Variants in NCKAP5 observed in about 807,000 individuals in gnomAD.
NCKAP5 encodes the protein NCK associated protein 5.
In NCKAP5, 92 loss-of-function variants were observed where a neutral mutation model predicts 167.0. The observed-to-expected ratio is 0.55, with a 90% CI of 0.47 to 0.66. The LOEUF (loss-of-function observed/expected upper bound fraction) is 0.66, where lower values mean the gene tolerates loss of function less well. Among genes scored for constraint, NCKAP5 ranks in the 30% least tolerant of loss-of-function variants. The pLI, the probability that NCKAP5 is intolerant of heterozygous loss-of-function variation, is 0.00. For synonymous variants in NCKAP5, 891 were observed against 877.4 expected (o/e 1.02, Z -0.27); for missense variants, 2,378 against 2,315.0 (o/e 1.03, Z -0.56).
chr2:133,377,607 G>A (rs939135938), intron 3 of NCKAP5, among the ~76,000 whole-genome samples: 1 of 152,144 alleles, frequency 6.6e-6, no homozygotes, highest in Non-Finnish European at 1.5e-5. Context: ...AGAAAAATGG[G>A]TTTAAGTAGC....
chr2:132,677,308 T>G (rs1173139429), intron 19 of NCKAP5, among the ~76,000 whole-genome samples: 1 of 152,194 alleles, frequency 6.6e-6, no homozygotes, highest in Non-Finnish European at 1.5e-5. Context: ...TGCATGTTCT[T>G]AAAATATTTT....
At chr2:133,671,475 A>G in the NCKAP5 span, among the ~76,000 whole-genome samples, 4 of 152,084 alleles carry the variant, frequency 2.6e-5, no homozygotes, top group African/African-American at 9.7e-5. Context: ...TAGTGGGTTA[A>G]TTGGTTAATG....
intron 6 of NCKAP5, among the ~76,000 whole-genome samples, chr2:133,032,684 G>T (rs1233857729): frequency 6.6e-6 from 1 of 152,166 alleles, no homozygotes; most frequent in Admixed American, 6.5e-5. Context: ...CTGGCTTCAG[G>T]TCTATATGAG....
At chr2:133,346,522 AT>A (rs1487678524) in intron 3 of NCKAP5, among the ~76,000 whole-genome samples, 1 of 152,200 alleles carries the variant, frequency 6.6e-6, no homozygotes, top group Admixed American at 6.5e-5. Context: ...GTTAGAAAAG[AT>A]GTGATTAGTC....
chr2:132,770,827 T>A (rs1681979090), intron 16 of NCKAP5, among the ~76,000 whole-genome samples: 3 of 152,166 alleles, frequency 2.0e-5, no homozygotes. Context: ...TCCCTTAAGA[T>A]TATAATGAAG....
chr2:133,450,988 C>T (rs528080997), intron 3 of NCKAP5, among the ~76,000 whole-genome samples: 1 of 151,986 alleles, frequency 6.6e-6, no homozygotes, highest in Non-Finnish European at 1.5e-5. Context: ...GGGTTAGAGC[C>T]CCCAAACCCC....
intron 6 of NCKAP5, among the ~76,000 whole-genome samples, chr2:133,005,584 G>C (rs2077937270): frequency 6.6e-6 from 1 of 152,076 alleles, no homozygotes; most frequent in South Asian, 2.1e-4. Flanking sequence ...TTATTTTCTT[G>C]AGTAATCTGA....
At chr2:132,675,690 T>C (rs1684344997) in intron 19 of NCKAP5, among the ~76,000 whole-genome samples, 1 of 152,146 alleles carries the variant, frequency 6.6e-6, no homozygotes, top group Non-Finnish European at 1.5e-5. Context: ...TGTGAAATGG[T>C]GGAATTTGGG....
chr2:133,241,174 A>T (rs2087687592), intron 4 of NCKAP5, among the ~76,000 whole-genome samples: 1 of 152,202 alleles, frequency 6.6e-6, no homozygotes, highest in Non-Finnish European at 1.5e-5. Flanking sequence ...GTGCTTATAA[A>T]CAACTATTGA....
chr2:133,572,854 T>C (rs2105074033), upstream of NCKAP5, among the ~76,000 whole-genome samples: 1 of 152,326 alleles, frequency 6.6e-6, no homozygotes, highest in Non-Finnish European at 1.5e-5. Context: ...GTGGCCCATG[T>C]CATTCTCACA....
chr2:132,940,011 T>TAC (rs1184700877), intron 8 of NCKAP5, among the ~76,000 whole-genome samples: 18 of 152,044 alleles, frequency 1.2e-4, no homozygotes, highest in African/African-American at 4.3e-4. Context: ...TATGTATATA[T>TAC]ACATAGTAGT....
At chr2:133,485,805 G>A (rs1028502954) in intron 3 of NCKAP5, among the ~76,000 whole-genome samples, 1 of 152,166 alleles carries the variant, frequency 6.6e-6, no homozygotes, top group African/African-American at 2.4e-5. Context: ...TGTCAGTCCA[G>A]TATTAATCAA....
intron 3 of NCKAP5, among the ~76,000 whole-genome samples, chr2:133,325,843 C>T (rs1402937716): frequency 2.0e-5 from 3 of 152,186 alleles, no homozygotes; most frequent in African/African-American, 7.2e-5. Flanking sequence ...CATTTGAGTA[C>T]TCACTGACAC....
chr2:133,015,354 G>A (rs1046664225), intron 6 of NCKAP5, among the ~76,000 whole-genome samples: 6 of 71,954 alleles, frequency 8.3e-5, no homozygotes, highest in Non-Finnish European at 1.3e-4. Context: ...TAAAAGAACC[G>A]AACTCTTTTT....
At chr2:133,188,404 G>A (rs1385236126) in intron 5 of NCKAP5, among the ~76,000 whole-genome samples, 1 of 151,902 alleles carries the variant, frequency 6.6e-6, no homozygotes, top group Admixed American at 6.6e-5. Context: ...GGATATCCAG[G>A]AACTGAACCC....
At chr2:133,069,613 G>GT (rs1355558259) in intron 6 of NCKAP5, among the ~76,000 whole-genome samples, 1 of 152,100 alleles carries the variant, frequency 6.6e-6, no homozygotes, top group Non-Finnish European at 1.5e-5. Context: ...TCCTATCATT[G>GT]TATCAAATAA....
intron 3 of NCKAP5, among the ~76,000 whole-genome samples, chr2:133,487,715 C>T (rs1328404307): frequency 1.3e-5 from 2 of 152,172 alleles, no homozygotes; most frequent in Non-Finnish European, 2.9e-5. Context: ...TTCATGGCCA[C>T]TTCCTTCCCC....
chr2:133,163,151 ACTACCT>A (rs1200707552), intron 5 of NCKAP5, among the ~76,000 whole-genome samples: 2 of 152,232 alleles, frequency 1.3e-5, no homozygotes. Flanking sequence ...CAGTACTTTG[ACTACCT>A]CCAGAGGAAT....
chr2:133,525,110 A>C (rs1213514612), intron 2 of NCKAP5, among the ~76,000 whole-genome samples: 1 of 152,234 alleles, frequency 6.6e-6, no homozygotes, highest in Non-Finnish European at 1.5e-5. Context: ...AAATTTTTTA[A>C]AATCCTACCA....
Sources: allele counts gnomAD v4.1 joint callset (sites outside exome capture counted in the v4.1 genomes callset), GRCh38; gene constraint gnomAD v4.1.1; transcripts MANE v1.5; gene names NCBI Gene and HGNC (gene_info 2026-07-23, HGNC 2026-07-21).